CSMD3: variants seen among roughly 807,000 people sequenced by gnomAD.
CSMD3 encodes CUB and Sushi multiple domains 3, also known as CUB and sushi domain-containing protein 3.
Under a neutral mutation model 435.2 loss-of-function variants are expected in CSMD3, and 177 were observed. The ratio of observed to expected loss-of-function variants is 0.41; its 90% CI spans 0.36 to 0.46. CSMD3 has a LOEUF of 0.46. Among genes scored for constraint, CSMD3 ranks in the 20% least tolerant of loss-of-function variants. CSMD3 has a pLI of 0.34. For missense variants in CSMD3, 4,265 were observed against 4,504.6 expected, an observed-to-expected ratio of 0.95 and a Z score of 1.52; for synonymous variants, 1,656 against 1,520.5, an observed-to-expected ratio of 1.09 and a Z score of -2.07.
intron 37 of CSMD3, among the ~76,000 whole-genome samples, chr8:112,383,112 T>C (rs940792130): frequency 2.0e-5 from 3 of 152,248 alleles, no homozygotes; most frequent in African/African-American, 7.2e-5. Flanking sequence ...ACTAATTTTA[T>C]ATAATTTTAT....
chr8:112,321,894 T>C (rs1026687267), intron 45 of CSMD3, among the ~76,000 whole-genome samples: 1 of 152,018 alleles, frequency 6.6e-6, no homozygotes. Context: ...GTTTGGTGGA[T>C]AGTAATTAGG....
chr8:113,317,422 T>G (rs183861390), intron 1 of CSMD3, among the ~76,000 whole-genome samples: 1 of 152,336 alleles, frequency 6.6e-6, no homozygotes. Context: ...GACATATGTC[T>G]TAAAATAACA....
intron 12 of CSMD3, among the ~76,000 whole-genome samples, chr8:112,827,075 T>C (rs1418426958): frequency 1.3e-5 from 2 of 149,068 alleles, no homozygotes; most frequent in Non-Finnish European, 3.0e-5. Flanking sequence ...TCCCAACAAA[T>C]GTACTCTTTT....
chr8:112,636,043 A>T (rs927492382), intron 22 of CSMD3, among the ~76,000 whole-genome samples: 5 of 152,174 alleles, frequency 3.3e-5, no homozygotes, highest in African/African-American at 7.2e-5. Flanking sequence ...CTATCATAAG[A>T]TGTACTGATA....
intron 9 of CSMD3, 22 bp from the exon 10 acceptor site, chr8:112,921,773 A>G (rs747575721): frequency 6.3e-7 from 1 of 1,578,712 alleles, no homozygotes; most frequent in African/African-American, 1.3e-5. Context: ...TAAAAGAGAA[A>G]AAATATGATA....
chr8:112,580,443 T>G (rs1451514253), intron 23 of CSMD3, among the ~76,000 whole-genome samples: 1 of 150,734 alleles, frequency 6.6e-6, no homozygotes, highest in Non-Finnish European at 1.5e-5. Flanking sequence ...GGAGGAATAA[T>G]AGAATGCCAA....
At chr8:112,948,948 C>T (rs2083710471) in intron 8 of CSMD3, among the ~76,000 whole-genome samples, 1 of 151,976 alleles carries the variant, frequency 6.6e-6, no homozygotes, top group Non-Finnish European at 1.5e-5. Context: ...CTTGCTTTGC[C>T]ATCCATGCTG....
intron 13 of CSMD3, among the ~76,000 whole-genome samples, chr8:112,756,917 C>T (rs529166458): frequency 9.2e-5 from 14 of 151,830 alleles, no homozygotes; most frequent in Non-Finnish European, 1.8e-4. Flanking sequence ...TACAGGCACA[C>T]GTCACCATGC....
rs1044758240 is a variant in CSMD3 at position 112,594,029 on chromosome 8, T to C, written c.3716-6794A>G. Among the ~76,000 whole-genome samples, 4 of 152,274 alleles carry C rather than the reference T, an allele frequency of 2.6e-5. No homozygotes were observed. In the South Asian group the frequency reaches 6.2e-4, roughly 24 times the overall value. On this transcript the variant is annotated intron_variant, in intron 22 of 70. Coordinates refer to ENST00000297405, the MANE Select transcript of CSMD3 (RefSeq NM_198123.2). The stretch of plus-strand genomic sequence containing the variant: ...CAGGGGAGGAGCCAAGATGGCCGAA[T>C]AGGAACAGCTCCGGTCTACAGCTCC...
At chr8:113,045,607 T>G (rs1489176223) in intron 5 of CSMD3, among the ~76,000 whole-genome samples, 2 of 149,474 alleles carry the variant, frequency 1.3e-5, no homozygotes, top group East Asian at 3.9e-4. Flanking sequence ...CTACCAATCT[T>G]AAAAATTCAT....
intron 13 of CSMD3, among the ~76,000 whole-genome samples, chr8:112,766,528 T>A (rs2077983555): frequency 6.6e-6 from 1 of 151,896 alleles, no homozygotes; most frequent in Non-Finnish European, 1.5e-5. Flanking sequence ...GATAAAGATG[T>A]CTCAGCAACT....
chr8:112,394,529 C>T (rs1460009186), intron 35 of CSMD3, among the ~76,000 whole-genome samples: 1 of 152,186 alleles, frequency 6.6e-6, no homozygotes, highest in Admixed American at 6.5e-5. Context: ...AACTCATCTC[C>T]TATCACTCTT....
At chr8:112,503,064 T>A (rs151129532) in intron 30 of CSMD3, among the ~76,000 whole-genome samples, 1 of 152,328 alleles carries the variant, frequency 6.6e-6, no homozygotes, top group Admixed American at 6.5e-5. Flanking sequence ...CTCTTTATTA[T>A]GAATATTGAC....
chr8:113,212,892 A>T (rs189580326), intron 3 of CSMD3, among the ~76,000 whole-genome samples: 14,091 of 145,562 alleles, frequency 0.097, 873 homozygotes, highest in Middle Eastern at 0.16. Flanking sequence ...TATAATAAAA[A>T]ATATATATAT....
At chr8:112,805,269 G>T (rs2079057743) in intron 12 of CSMD3, among the ~76,000 whole-genome samples, 1 of 152,044 alleles carries the variant, frequency 6.6e-6, no homozygotes, top group Admixed American at 6.6e-5. Context: ...AAAGAAAAGG[G>T]GTATTCCGAA....
At chr8:112,506,037 G>A (rs1822470870) in intron 29 of CSMD3, among the ~76,000 whole-genome samples, 1 of 152,098 alleles carries the variant, frequency 6.6e-6, no homozygotes, top group African/African-American at 2.4e-5. Context: ...AATGGGGATA[G>A]TAATAGTACT....
intron 2 of CSMD3, among the ~76,000 whole-genome samples, chr8:113,288,641 A>T (rs1278371936): frequency 6.6e-6 from 1 of 151,872 alleles, no homozygotes; most frequent in Non-Finnish European, 1.5e-5. Context: ...CAATTTAAAT[A>T]TATTTTACAG....
At chr8:112,853,639 C>G (rs186891991) in intron 11 of CSMD3, among the ~76,000 whole-genome samples, 1 of 152,322 alleles carries the variant, frequency 6.6e-6, no homozygotes, top group East Asian at 1.9e-4. Flanking sequence ...ACTTTCACCT[C>G]TATCCTTTTA....
At chr8:113,108,908 C>A (rs2090559301) in intron 4 of CSMD3, among the ~76,000 whole-genome samples, 1 of 152,060 alleles carries the variant, frequency 6.6e-6, no homozygotes, top group Non-Finnish European at 1.5e-5. Flanking sequence ...AAAATACTGG[C>A]AAATGTGCAT....
Sources: allele counts gnomAD v4.1 joint callset (sites outside exome capture counted in the v4.1 genomes callset), GRCh38; gene constraint gnomAD v4.1.1; transcripts MANE v1.5; gene names NCBI Gene and HGNC (gene_info 2026-07-23, HGNC 2026-07-21).